Variants in FNIP1 observed in about 807,000 individuals in gnomAD.
FNIP1 encodes the protein folliculin interacting protein 1.
FNIP1 carries 40 observed loss-of-function variants against 124.5 expected under a neutral mutation model. That is an observed-to-expected ratio of 0.32 (90% confidence interval 0.25 to 0.42). The LOEUF (loss-of-function observed/expected upper bound fraction) is 0.42. Ranked by LOEUF, FNIP1 falls within the 10% of genes least tolerant of loss-of-function variation. The pLI, the probability that FNIP1 is intolerant of heterozygous loss-of-function variation, is 1.00. For missense variants in FNIP1, 1,176 were observed against 1,403.7 expected, an observed-to-expected ratio of 0.84 and a Z score of 2.59; for synonymous variants, 472 against 470.6, an observed-to-expected ratio of 1.00 and a Z score of -0.04.
intron 15 of FNIP1, among the ~76,000 whole-genome samples, chr5:131,665,594 G>GTTT (rs1258920994): frequency 2.2e-5 from 3 of 139,476 alleles, no homozygotes; most frequent in Admixed American, 7.2e-5. Flanking sequence ...ATATAGATAG[G>GTTT]TTTTTTTTTT....
chr5:131,696,178 C>T (rs1768684587), intron 11 of FNIP1, among the ~76,000 whole-genome samples: 1 of 152,096 alleles, frequency 6.6e-6, no homozygotes. Context: ...AACATACAAA[C>T]AGGGCTATAT....
chr5:131,684,613 C>T (rs1008165555), intron 11 of FNIP1, among the ~76,000 whole-genome samples: 2 of 151,986 alleles, frequency 1.3e-5, no homozygotes, highest in African/African-American at 4.8e-5. Flanking sequence ...TAAGTCTAGG[C>T]CATTTGTACT....
intron 11 of FNIP1, among the ~76,000 whole-genome samples, chr5:131,698,553 T>C (rs1363992641): frequency 6.6e-6 from 1 of 152,210 alleles, no homozygotes; most frequent in Non-Finnish European, 1.5e-5. Context: ...CCATATATCC[T>C]TGTATCTCAT....
At chr5:131,653,221 C>G (rs922585775) in intron 15 of FNIP1, among the ~76,000 whole-genome samples, 2 of 151,648 alleles carry the variant, frequency 1.3e-5, no homozygotes, top group Non-Finnish European at 2.9e-5. Context: ...CAGGGTTCTC[C>G]AAGACACATT....
At chr5:131,714,742 T>C (rs554783739) in intron 6 of FNIP1, among the ~76,000 whole-genome samples, 24 of 152,364 alleles carry the variant, frequency 1.6e-4, no homozygotes, top group East Asian at 5.8e-4. Context: ...GAAGCCTTCA[T>C]TGACTCTCCA....
At position 131,677,231 on chromosome 5, in the gene FNIP1, ACTCTCC is replaced by A. The variant is rs1266396415; in HGVS notation, c.1519+466_1519+471del. The stretch of plus-strand genomic sequence containing the variant: ...TTGTCTATGAACTTATCAACCATCT[ACTCTCC>A]CCTCTGTTCCCCGACTTGTTTAGTG... On this transcript the variant is annotated intron_variant, in intron 13 of 17. Transcript: ENST00000510461. Among the ~76,000 whole-genome samples, 3 of 151,558 alleles carry A rather than the reference ACTCTCC, an allele frequency of 2.0e-5. No homozygotes were observed. In the South Asian group the frequency reaches 6.3e-4, roughly 32 times the overall value.
chr5:131,743,918 T>C (rs1482445850), intron 2 of FNIP1, among the ~76,000 whole-genome samples: 1 of 152,102 alleles, frequency 6.6e-6, no homozygotes, highest in Non-Finnish European at 1.5e-5. Flanking sequence ...AAAATTATTT[T>C]AGCAGCTTTG....
chr5:131,699,296 A>T (rs1768809751), intron 10 of FNIP1, among the ~76,000 whole-genome samples: 1 of 152,174 alleles, frequency 6.6e-6, no homozygotes. Flanking sequence ...GGTTACAAAA[A>T]ACTTATTTTT....
At chr5:131,724,409 G>A (rs1187165909) in intron 3 of FNIP1, among the ~76,000 whole-genome samples, 1 of 152,090 alleles carries the variant, frequency 6.6e-6, no homozygotes, top group African/African-American at 2.4e-5. Context: ...ATTCTAACTG[G>A]CTTGAGATGC....
At chr5:131,730,626 A>G (rs1217777470) in intron 3 of FNIP1, among the ~76,000 whole-genome samples, 1 of 152,198 alleles carries the variant, frequency 6.6e-6, no homozygotes, top group Non-Finnish European at 1.5e-5. Flanking sequence ...CAATAATAAA[A>G]AAGTATGTAA....
chr5:131,657,028 T>G (rs1767213974), intron 15 of FNIP1, among the ~76,000 whole-genome samples: 1 of 145,846 alleles, frequency 6.9e-6, no homozygotes. Flanking sequence ...CCTTTTTTTT[T>G]TTTTTTTTTT....
intron 6 of FNIP1, 91 bp downstream of exon 6, chr5:131,716,474 G>A: frequency 1.3e-6 from 1 of 759,536 alleles, no homozygotes; most frequent in Middle Eastern, 3.7e-4. Flanking sequence ...TTGTTATCAT[G>A]ACAGATCTGC....
chr5:131,768,898 G>A (rs1048030067), intron 1 of FNIP1, among the ~76,000 whole-genome samples: 1 of 152,084 alleles, frequency 6.6e-6, no homozygotes, highest in Non-Finnish European at 1.5e-5. Flanking sequence ...ACTAAGTGGG[G>A]ACACACATTT....
chr5:131,723,116 G>A (rs1769730951), intron 3 of FNIP1, among the ~76,000 whole-genome samples: 1 of 152,090 alleles, frequency 6.6e-6, no homozygotes, highest in Non-Finnish European at 1.5e-5. Context: ...TGGGTACTGA[G>A]AACAACATTT....
At chr5:131,700,554 T>C (rs533873359) in intron 10 of FNIP1, among the ~76,000 whole-genome samples, 2 of 152,298 alleles carry the variant, frequency 1.3e-5, no homozygotes, top group Non-Finnish European at 2.9e-5. Context: ...ACGCTTTATG[T>C]TTTTTCAAAC....
At chr5:131,773,804 A>G (rs1394053811) in intron 1 of FNIP1, among the ~76,000 whole-genome samples, 1 of 152,190 alleles carries the variant, frequency 6.6e-6, no homozygotes, top group African/African-American at 2.4e-5. Context: ...AAACATTTTT[A>G]TAAGAAGAGG....
rs1295072866 is a variant in FNIP1 at position 131,695,146 on chromosome 5, AATAAAT to A, written c.1202+3765_1202+3770del. Among the ~76,000 whole-genome samples, 511 of 151,734 alleles carry A rather than the reference AATAAAT, an allele frequency of 3.4e-3. 2 individuals carry two copies. The highest frequency in any genetic ancestry group is 0.012 in the African/African-American group (490 of 41,432). ...AAATAAATAAATAAATAAATAAATA[AATAAAT>A]AAAGCATTAACTGGGAAAACTGTAG... On this transcript the variant is annotated intron_variant, in intron 11 of 17. Coordinates refer to ENST00000510461, the MANE Select transcript of FNIP1 (RefSeq NM_133372.3).
chr5:131,727,236 T>C (rs1176672055), intron 3 of FNIP1, among the ~76,000 whole-genome samples: 2 of 152,168 alleles, frequency 1.3e-5, no homozygotes, highest in Admixed American at 1.3e-4. Context: ...CAGTCTAATA[T>C]TGACAGTGGG....
intron 1 of FNIP1, among the ~76,000 whole-genome samples, chr5:131,783,091 T>G (rs1017636253): frequency 6.6e-6 from 1 of 152,206 alleles, no homozygotes; most frequent in Non-Finnish European, 1.5e-5. Context: ...ACCAAAAAAT[T>G]TGTGTAGCTT....
Sources: allele counts gnomAD v4.1 joint callset (sites outside exome capture counted in the v4.1 genomes callset), GRCh38; gene constraint gnomAD v4.1.1; transcripts MANE v1.5; gene names NCBI Gene and HGNC (gene_info 2026-07-23, HGNC 2026-07-21).